RBPJ: variants seen among roughly 807,000 people sequenced by gnomAD.
RBPJ encodes the protein recombining binding protein suppressor of hairless.
Under a neutral mutation model 67.8 loss-of-function variants are expected in RBPJ, and 9 were observed. The ratio of observed to expected loss-of-function variants is 0.13; its 90% CI spans 0.08 to 0.23. RBPJ has a LOEUF of 0.23. Among genes scored for constraint, RBPJ ranks in the 10% least tolerant of loss-of-function variants. RBPJ has a pLI of 1.00. For missense variants in RBPJ, 305 were observed against 595.6 expected, an observed-to-expected ratio of 0.51 and a Z score of 5.08; for synonymous variants, 198 against 203.3, an observed-to-expected ratio of 0.97 and a Z score of 0.22.
At chr4:26,301,722 G>A (rs1722085678) in intron 1 of RBPJ, among the ~76,000 whole-genome samples, 2 of 151,992 alleles carry the variant, frequency 1.3e-5, no homozygotes. Context: ...ATTTTTAGAG[G>A]CAATTTGGGC....
At chr4:26,359,413 A>T (rs1178656690) in intron 1 of RBPJ, among the ~76,000 whole-genome samples, 32 of 129,038 alleles carry the variant, frequency 2.5e-4, no homozygotes, top group Middle Eastern at 4.5e-3. Context: ...TAACACCTTC[A>T]TTTTTTTTTT....
chr4:26,353,733 C>T (rs1365593974), intron 1 of RBPJ, among the ~76,000 whole-genome samples: 9 of 151,408 alleles, frequency 5.9e-5, no homozygotes, highest in East Asian at 3.9e-4. Flanking sequence ...CTCAGCCTCC[C>T]GAGTAGCTGG....
the RBPJ span, among the ~76,000 whole-genome samples, chr4:26,110,488 A>ACTCAGC: frequency 6.6e-6 from 1 of 151,952 alleles, no homozygotes; most frequent in Non-Finnish European, 1.5e-5. The surrounding 1 kb of genome is among the most constrained non-coding windows in gnomAD (Gnocchi z 4.5). Context: ...TGAACTCTCC[A>ACTCAGC]CTCAGCTCTG....
At chr4:26,287,864 A>G (rs77621932) in intron 1 of RBPJ, among the ~76,000 whole-genome samples, 9,698 of 151,952 alleles carry the variant, frequency 0.064, 788 homozygotes, top group African/African-American at 0.19. Context: ...AGACCAGGGA[A>G]GGGTCTAGGC....
intron 1 of RBPJ, among the ~76,000 whole-genome samples, chr4:26,279,011 C>T (rs1721170754): frequency 6.6e-6 from 1 of 152,114 alleles, no homozygotes; most frequent in Non-Finnish European, 1.5e-5. Context: ...ACAATTTCCT[C>T]CTTTCTAAAG....
At chr4:26,370,070 C>T (rs769144010) in intron 1 of RBPJ, among the ~76,000 whole-genome samples, 4 of 152,160 alleles carry the variant, frequency 2.6e-5, no homozygotes, top group Non-Finnish European at 5.9e-5. Flanking sequence ...AATCTTAGAT[C>T]TTAGGAGATT....
intron 1 of RBPJ, among the ~76,000 whole-genome samples, chr4:26,192,175 T>C (rs1436573223): frequency 3.3e-5 from 5 of 152,066 alleles, no homozygotes; most frequent in African/African-American, 1.2e-4. Context: ...GCCCGGCTAC[T>C]TTTTGTGTTT....
intron 1 of RBPJ, among the ~76,000 whole-genome samples, chr4:26,184,234 A>G (rs1364612425): frequency 6.6e-6 from 1 of 151,934 alleles, no homozygotes; most frequent in Non-Finnish European, 1.5e-5. Context: ...TGTTAAAGAC[A>G]AGTGGTGGAC....
chr4:26,196,168 A>G (rs1717754570), intron 1 of RBPJ, among the ~76,000 whole-genome samples: 1 of 152,214 alleles, frequency 6.6e-6, no homozygotes. Flanking sequence ...GCCCCAAAGT[A>G]GAGGGAGCCC....
chr4:26,397,636 G>T (rs573897640), intron 2 of RBPJ, among the ~76,000 whole-genome samples: 19 of 151,828 alleles, frequency 1.3e-4, no homozygotes, highest in Non-Finnish European at 1.8e-4. Flanking sequence ...CTCTTTTTTT[G>T]TTGTTGTTGT....
At chr4:26,248,923 G>A (rs1382872266) in intron 1 of RBPJ, among the ~76,000 whole-genome samples, 1 of 152,212 alleles carries the variant, frequency 6.6e-6, no homozygotes, top group African/African-American at 2.4e-5. Flanking sequence ...AGAAGCCAAA[G>A]AGGGAATATG....
At chr4:26,146,555 A>G in the RBPJ span, among the ~76,000 whole-genome samples, 2 of 152,228 alleles carry the variant, frequency 1.3e-5, no homozygotes, top group Non-Finnish European at 2.9e-5. Context: ...GACCTCCTCA[A>G]ACATTTTTGT....
chr4:26,397,254 C>T (rs1475027977), intron 2 of RBPJ, among the ~76,000 whole-genome samples: 3 of 152,078 alleles, frequency 2.0e-5, no homozygotes, highest in Non-Finnish European at 4.4e-5. Context: ...GTGTAAAAGG[C>T]GAGACTGCCA....
At chr4:26,201,393 T>A (rs1205562956) in intron 1 of RBPJ, among the ~76,000 whole-genome samples, 1 of 152,210 alleles carries the variant, frequency 6.6e-6, no homozygotes, top group Non-Finnish European at 1.5e-5. Context: ...TAAAGAGCTT[T>A]AGCTCTATTA....
At position 26,425,819 on chromosome 4, in the gene RBPJ, A is replaced by G. The variant is rs564800481; in HGVS notation, c.747+1076A>G. 1.0e-3 allele frequency among the ~76,000 whole-genome samples: 153 copies of G among 152,290 alleles called. 1 individual carries two copies. The highest frequency in any genetic ancestry group is 3.6e-3 in the African/African-American group (149 of 41,564). ...AGGTTGGGTGAGTAGAAGAACATTT[A>G]GTATTAATGTTCCTAAACATGCCTC... is the stretch of plus-strand genomic sequence containing the variant. On this transcript the variant is annotated intron_variant, in intron 7 of 10. Transcript: ENST00000355476.
intron 1 of RBPJ, among the ~76,000 whole-genome samples, chr4:26,363,730 C>T (rs1223955828): frequency 6.6e-6 from 1 of 152,204 alleles, no homozygotes; most frequent in African/African-American, 2.4e-5. Context: ...TGAGCCACCA[C>T]ACCTGGCCAA....
intron 1 of RBPJ, among the ~76,000 whole-genome samples, chr4:26,178,737 C>T (rs1205829659): frequency 1.3e-5 from 2 of 151,320 alleles, no homozygotes; most frequent in Admixed American, 1.3e-4. Flanking sequence ...GATGTAATTC[C>T]ACCGAGAACG....
At chr4:26,279,490 A>G (rs369772728) in intron 1 of RBPJ, among the ~76,000 whole-genome samples, 14 of 152,064 alleles carry the variant, frequency 9.2e-5, no homozygotes, top group African/African-American at 2.9e-4. Context: ...GTTGGCCACG[A>G]TGGTCTCAAT....
chr4:26,311,551 A>C (rs924870588), intron 1 of RBPJ, among the ~76,000 whole-genome samples: 21 of 151,926 alleles, frequency 1.4e-4, no homozygotes, highest in African/African-American at 4.8e-4. Context: ...AAAAAAAAAA[A>C]AGTGTCACTG....
Sources: gnomAD v4.1 joint callset for allele counts (sites outside exome capture counted in the v4.1 genomes callset) on GRCh38, gnomAD v4.1.1 for gene constraint, Gnocchi (gnomAD v3.1) non-coding constraint, MANE v1.5 for transcripts, NCBI Gene and HGNC (gene_info 2026-07-23, HGNC 2026-07-21) for gene names.